Variants in CDH8 observed in about 807,000 individuals in gnomAD.
CDH8 encodes the protein cadherin-8.
CDH8 carries 17 observed loss-of-function variants against 68.1 expected under a neutral mutation model. The ratio of observed to expected loss-of-function variants is 0.25; its 90% CI spans 0.17 to 0.37. The LOEUF (loss-of-function observed/expected upper bound fraction) is 0.37, where lower values mean the gene tolerates loss of function less well. Among genes scored for constraint, CDH8 ranks in the 10% least tolerant of loss-of-function variants. CDH8 has a pLI of 1.00. For synonymous variants in CDH8, 372 were observed against 365.1 expected, an observed-to-expected ratio of 1.02 and a Z score of -0.21; for missense variants, 763 against 999.3, an observed-to-expected ratio of 0.76 and a Z score of 3.19.
intron 4 of CDH8, among the ~76,000 whole-genome samples, chr16:61,844,025 C>A (rs925799951): frequency 1.3e-5 from 2 of 151,718 alleles, no homozygotes; most frequent in Non-Finnish European, 2.9e-5. Context: ...TGGAACCAAC[C>A]GAAATGTCCA....
rs939283664 is a variant in CDH8, at chr16:61,689,346, C to T, written c.1654+24495G>A. On this transcript the variant is annotated intron_variant, in intron 10 of 11. Coordinates refer to ENST00000577390, the MANE Select transcript of CDH8 (RefSeq NM_001796.5). ...AATAATACCTCTTTTGTAGGGTTGT[C>T]ATAGGCTAAAATGAGATAAGATGCT... 2.0e-5 allele frequency among the ~76,000 whole-genome samples: 3 copies of T among 151,952 alleles called. 1 individual carries two copies. The highest frequency in any genetic ancestry group is 7.2e-5 in the African/African-American group (3 of 41,412).
chr16:61,757,905 G>C (rs1596938693), intron 8 of CDH8, among the ~76,000 whole-genome samples: 1 of 152,170 alleles, frequency 6.6e-6, no homozygotes, highest in Non-Finnish European at 1.5e-5. Context: ...CTGCCGCTAA[G>C]TTCTGGGATT....
intron 8 of CDH8, among the ~76,000 whole-genome samples, chr16:61,773,622 C>G (rs1182569408): frequency 6.6e-6 from 1 of 151,864 alleles, no homozygotes; most frequent in Non-Finnish European, 1.5e-5. Context: ...ATCATTCCTC[C>G]AAGGATTTCA....
At chr16:62,010,217 A>G (rs1901773782) in intron 2 of CDH8, among the ~76,000 whole-genome samples, 1 of 152,214 alleles carries the variant, frequency 6.6e-6, no homozygotes, top group Non-Finnish European at 1.5e-5. Flanking sequence ...TTAGAGAAAC[A>G]TCTCTCATTG....
intron 3 of CDH8, among the ~76,000 whole-genome samples, chr16:61,883,314 T>C (rs949526610): frequency 1.3e-5 from 2 of 152,160 alleles, no homozygotes; most frequent in African/African-American, 2.4e-5. Flanking sequence ...ACTCCCCTTT[T>C]AACTTTTCTG....
chr16:61,937,479 A>G (rs1264318488), intron 2 of CDH8, among the ~76,000 whole-genome samples: 2 of 152,186 alleles, frequency 1.3e-5, no homozygotes, highest in African/African-American at 4.8e-5. Flanking sequence ...TCAGCAATCA[A>G]AGAAATAAAC....
At chr16:61,961,141 C>A (rs971021314) in intron 2 of CDH8, among the ~76,000 whole-genome samples, 1 of 152,010 alleles carries the variant, frequency 6.6e-6, no homozygotes, top group African/African-American at 2.4e-5. Flanking sequence ...TATGGTGAAA[C>A]CCTGTCTCTA....
chr16:61,961,156 A>T (rs1314809142), intron 2 of CDH8, among the ~76,000 whole-genome samples: 1 of 152,050 alleles, frequency 6.6e-6, no homozygotes, highest in Non-Finnish European at 1.5e-5. Flanking sequence ...TCTCTACTAA[A>T]AATACAAAAT....
At chr16:61,931,343 A>C (rs1964537319) in intron 2 of CDH8, among the ~76,000 whole-genome samples, 1 of 152,154 alleles carries the variant, frequency 6.6e-6, no homozygotes, top group Middle Eastern at 3.4e-3. Flanking sequence ...TTTAAAAAAT[A>C]ATTATTATTT....
intron 10 of CDH8, among the ~76,000 whole-genome samples, chr16:61,697,264 CT>C (rs1246366087): frequency 6.6e-6 from 1 of 152,028 alleles, no homozygotes; most frequent in African/African-American, 2.4e-5. Flanking sequence ...AGGGTTCATT[CT>C]TTCCAGGGCC....
chr16:61,918,882 G>T (rs1000656774), intron 2 of CDH8, among the ~76,000 whole-genome samples: 2 of 150,790 alleles, frequency 1.3e-5, no homozygotes, highest in Non-Finnish European at 2.9e-5. Context: ...CAAACAAAAA[G>T]ACAGCAGTAA....
At chr16:61,998,471 G>T (rs1965843087) in intron 2 of CDH8, among the ~76,000 whole-genome samples, 2 of 152,140 alleles carry the variant, frequency 1.3e-5, no homozygotes, top group African/African-American at 4.8e-5. Flanking sequence ...ACATAGGACT[G>T]TTTGCATCCA....
chr16:61,887,385 C>T (rs571271605), intron 3 of CDH8, among the ~76,000 whole-genome samples: 5 of 152,242 alleles, frequency 3.3e-5, no homozygotes, highest in East Asian at 1.9e-4. Context: ...TCCCACAGAC[C>T]GGGTGGCTTA....
intron 2 of CDH8, among the ~76,000 whole-genome samples, chr16:61,968,747 G>A (rs996106614): frequency 1.3e-4 from 20 of 152,176 alleles, no homozygotes; most frequent in Admixed American, 7.2e-4. Context: ...GTTGGCCCAG[G>A]CCCCCACAGC....
At chr16:61,791,073 G>A (rs1484424817) in intron 7 of CDH8, among the ~76,000 whole-genome samples, 1 of 151,820 alleles carries the variant, frequency 6.6e-6, no homozygotes, top group African/African-American at 2.4e-5. Context: ...TGTTTATTGA[G>A]AAATCATTTG....
At chr16:61,712,320 T>C (rs1301107962) in intron 10 of CDH8, among the ~76,000 whole-genome samples, 2 of 151,728 alleles carry the variant, frequency 1.3e-5, no homozygotes, top group African/African-American at 2.4e-5. Context: ...CAATACCTTA[T>C]GTGATGCCTT....
At chr16:61,781,020 T>A (rs938671972) in intron 8 of CDH8, among the ~76,000 whole-genome samples, 6 of 152,238 alleles carry the variant, frequency 3.9e-5, no homozygotes, top group Admixed American at 3.9e-4. Flanking sequence ...TTTCTTAAGA[T>A]GTTTGACATG....
intron 4 of CDH8, among the ~76,000 whole-genome samples, chr16:61,839,631 G>C (rs528016992): frequency 5.9e-5 from 9 of 152,076 alleles, no homozygotes; most frequent in African/African-American, 2.2e-4. Context: ...GCACCCCACA[G>C]CAGGGAAAGA....
chr16:61,736,979 G>A (rs952931636), intron 8 of CDH8, among the ~76,000 whole-genome samples: 4 of 152,072 alleles, frequency 2.6e-5, no homozygotes, highest in African/African-American at 4.8e-5. Flanking sequence ...AAAGTCAGGC[G>A]GTTTTCACAT....
Sources: allele counts gnomAD v4.1 joint callset (sites outside exome capture counted in the v4.1 genomes callset), GRCh38; gene constraint gnomAD v4.1.1; transcripts MANE v1.5; gene names NCBI Gene and HGNC (gene_info 2026-07-23, HGNC 2026-07-21).